Variants in CMTM4 observed in about 807,000 individuals in gnomAD.
CMTM4 encodes the protein CKLF like MARVEL transmembrane domain containing 4, also known as CKLF-like MARVEL transmembrane domain-containing protein 4.
In CMTM4, 8 loss-of-function variants were observed where a neutral mutation model predicts 19.0. The observed-to-expected ratio is 0.42, with a 90% CI of 0.25 to 0.76. The LOEUF (loss-of-function observed/expected upper bound fraction) is 0.76, where lower values mean the gene tolerates loss of function less well. Among genes scored for constraint, CMTM4 ranks in the 30% least tolerant of loss-of-function variants. CMTM4 has a pLI of 0.27. For missense variants in CMTM4, 228 were observed against 290.2 expected, an observed-to-expected ratio of 0.79 and a Z score of 1.56; for synonymous variants, 106 against 121.1, an observed-to-expected ratio of 0.88 and a Z score of 0.82.
the CMTM4 span, among the ~76,000 whole-genome samples, chr16:66,600,139 T>TGG: frequency 7.3e-6 from 1 of 136,490 alleles, no homozygotes; most frequent in African/African-American, 2.7e-5. Flanking sequence ...TGTGTGTGTT[T>TGG]TTTTTTGTTT....
Position 66,620,836 on chromosome 16 carries a change from T to TA in CMTM4, c.*1221dup, listed in dbSNP as rs889591390. The TA allele has an allele frequency of 4.6e-5, 45 of 985,382 alleles. No individual in the cohort carries two copies. Among genetic ancestry groups the TA allele is most frequent in the Admixed American group, 6.2e-5 (1 of 16,254 alleles). 61.0% of individuals were successfully genotyped at this position (985,382 alleles called of 1,614,324 possible). ...AAGATATAATTACTCTCTAATTTTT[T>TA]AAAAAAACTACTGCATCATGGGGAC... On this transcript the variant is annotated 3_prime_UTR_variant, in exon 4 of 4. Transcript: ENST00000394106.
chr16:66,625,983 T>C (rs553331519), intron 2 of CMTM4, among the ~76,000 whole-genome samples: 1 of 152,324 alleles, frequency 6.6e-6, no homozygotes, highest in African/African-American at 2.4e-5. Context: ...GCAGCTGCTA[T>C]AGCACCACAC....
chr16:66,635,786 A>G (rs1182800904), intron 2 of CMTM4, among the ~76,000 whole-genome samples: 1 of 152,222 alleles, frequency 6.6e-6, no homozygotes, highest in African/African-American at 2.4e-5. Flanking sequence ...CTTCTCATTC[A>G]GCACAGTAAG....
At chr16:66,642,596 A>G (rs1222653597) in intron 1 of CMTM4, among the ~76,000 whole-genome samples, 1 of 152,144 alleles carries the variant, frequency 6.6e-6, no homozygotes, top group East Asian at 1.9e-4. Context: ...CATGCCTGTA[A>G]TCCCAGCTAG....
chr16:66,687,781 G>T (rs1361892082), intron 1 of CMTM4, among the ~76,000 whole-genome samples: 1 of 148,386 alleles, frequency 6.7e-6, no homozygotes, highest in African/African-American at 2.5e-5. Flanking sequence ...TCCGCCTCCT[G>T]GGTTCACGCT....
the CMTM4 span, among the ~76,000 whole-genome samples, chr16:66,602,908 C>A: frequency 6.6e-6 from 1 of 152,214 alleles, no homozygotes; most frequent in African/African-American, 2.4e-5. Flanking sequence ...TGGGCTCAAG[C>A]CACTCCACAA....
chr16:66,672,719 C>T (rs1010592170), intron 1 of CMTM4, among the ~76,000 whole-genome samples: 23 of 151,724 alleles, frequency 1.5e-4, no homozygotes, highest in African/African-American at 5.6e-4. Flanking sequence ...AAGCGATTCT[C>T]CTGCCTCAGC....
At chr16:66,608,321 A>G in the CMTM4 span, 2 of 1,614,134 alleles carry the variant, frequency 1.2e-6, no homozygotes, top group Non-Finnish European at 8.5e-7. The surrounding 1 kb of genome is among the most constrained non-coding windows in gnomAD (Gnocchi z 5.1). Flanking sequence ...TCTCTCATTC[A>G]TCACTTTTAT....
chr16:66,600,072 T>A, the CMTM4 span, among the ~76,000 whole-genome samples: 1 of 152,202 alleles, frequency 6.6e-6, no homozygotes, highest in Middle Eastern at 3.4e-3. Context: ...AATTGGGTTG[T>A]TTTCTTCTTA....
At chr16:66,612,855 T>C, downstream of CMTM4, 2 of 610,316 alleles carry the variant, frequency 3.3e-6, no homozygotes, top group Non-Finnish European at 5.9e-6. The surrounding 1 kb of genome is among the most constrained non-coding windows in gnomAD (Gnocchi z 6.0). Flanking sequence ...GAGGGCATCT[T>C]GGGTATCCCA....
intron 1 of CMTM4, among the ~76,000 whole-genome samples, chr16:66,663,692 G>A (rs1373286925): frequency 2.6e-5 from 4 of 151,376 alleles, no homozygotes; most frequent in African/African-American, 7.3e-5. Context: ...ACAGGCAAGC[G>A]CCGCCACACC....
In CMTM4 at chr16:66,659,541, T is replaced by C. The variant is rs113608052; in HGVS notation, c.187-22960A>G. ...GACACAGCAAGCAAATGCAATCACG[T>C]ATGGATCTTGTTTAGATCCTAATTC... On this transcript the variant is annotated intron_variant, in intron 1 of 3. Coordinates refer to ENST00000394106, the MANE Select transcript of CMTM4 (RefSeq NM_181521.3). Among the ~76,000 whole-genome samples the C allele has an allele frequency of 0.01, 1,553 of 152,282 alleles. 79 individuals are homozygous for C. In the East Asian group the frequency reaches 0.16, roughly 15 times the overall value.
At chr16:66,602,747 A>C in the CMTM4 span, among the ~76,000 whole-genome samples, 1 of 152,062 alleles carries the variant, frequency 6.6e-6, no homozygotes, top group Non-Finnish European at 1.5e-5. Flanking sequence ...GGTTTTCGCC[A>C]TGTTGGCCAA....
intron 1 of CMTM4, among the ~76,000 whole-genome samples, chr16:66,663,672 A>G (rs913702113): frequency 6.7e-6 from 1 of 149,110 alleles, no homozygotes. Flanking sequence ...CCTCCCAAGT[A>G]GCTGGGATTA....
intron 1 of CMTM4, among the ~76,000 whole-genome samples, chr16:66,655,489 G>T (rs939225279): frequency 1.3e-5 from 2 of 151,354 alleles, no homozygotes; most frequent in Non-Finnish European, 2.9e-5. Flanking sequence ...GGGATTTCTT[G>T]GTAAAATGCC....
downstream of CMTM4, chr16:66,613,178 C>T: frequency 2.8e-6 from 2 of 701,820 alleles, no homozygotes. Flanking sequence ...ATTCTTGAAG[C>T]AGGGAGAAAT....
At chr16:66,624,793 A>G (rs1216580722) in intron 2 of CMTM4, among the ~76,000 whole-genome samples, 1 of 152,208 alleles carries the variant, frequency 6.6e-6, no homozygotes, top group African/African-American at 2.4e-5. Flanking sequence ...TAAGATGTAA[A>G]GAGACAATGC....
At chr16:66,642,172 G>C (rs2016107439) in intron 1 of CMTM4, among the ~76,000 whole-genome samples, 1 of 152,154 alleles carries the variant, frequency 6.6e-6, no homozygotes. Flanking sequence ...TATTGACCAA[G>C]AAGGGCTCAG....
intron 1 of CMTM4, among the ~76,000 whole-genome samples, chr16:66,685,097 ATGC>A (rs1199152790): frequency 1.3e-5 from 2 of 152,212 alleles, no homozygotes; most frequent in African/African-American, 4.8e-5. Flanking sequence ...TGTAATTTCA[ATGC>A]TTAGAATACT....
Sources: gnomAD v4.1 joint callset for allele counts (sites outside exome capture counted in the v4.1 genomes callset) on GRCh38, gnomAD v4.1.1 for gene constraint, Gnocchi (gnomAD v3.1) non-coding constraint, MANE v1.5 for transcripts, NCBI Gene and HGNC (gene_info 2026-07-23, HGNC 2026-07-21) for gene names.